The following NPHP1 variants were observed in gnomAD, a reference collection of about 807,000 sequenced individuals.
The protein encoded by NPHP1 is nephrocystin-1.
Under a neutral mutation model 90.4 loss-of-function variants are expected in NPHP1, and 70 were observed. That is an observed-to-expected ratio of 0.77 (90% confidence interval 0.64 to 0.95). The LOEUF (loss-of-function observed/expected upper bound fraction) is 0.95. Ranked by LOEUF, NPHP1 falls within the 40% of genes least tolerant of loss-of-function variation. The probability of loss-of-function intolerance (pLI) is 0.00; values close to 1 mark genes in which losing one functional copy is unlikely to be tolerated. For synonymous variants in NPHP1, 256 were observed against 271.7 expected (o/e 0.94, Z 0.57); for missense variants, 764 against 795.9 (o/e 0.96, Z 0.48).
intron 1 of NPHP1, among the ~76,000 whole-genome samples, chr2:110,203,572 A>G (rs1019917246): frequency 2.6e-5 from 4 of 152,138 alleles, no homozygotes; most frequent in Non-Finnish European, 5.9e-5. Context: ...CTAAATATTT[A>G]CCTTCCAAAT....
chr2:110,182,945 G>A (rs1334792651), intron 2 of NPHP1, among the ~76,000 whole-genome samples: 2 of 151,932 alleles, frequency 1.3e-5, no homozygotes, highest in Non-Finnish European at 2.9e-5. Flanking sequence ...AAGGGATGGA[G>A]GAAAATTTAC....
chr2:110,132,756 TA>T (rs1263658937), intron 16 of NPHP1, among the ~76,000 whole-genome samples: 2 of 152,168 alleles, frequency 1.3e-5, no homozygotes, highest in Non-Finnish European at 1.5e-5. Context: ...ACATCGAAGT[TA>T]AATTGGTATC....
At chr2:110,154,344 T>C (rs571744747) in intron 11 of NPHP1, among the ~76,000 whole-genome samples, 1 of 152,292 alleles carries the variant, frequency 6.6e-6, no homozygotes, top group Admixed American at 6.5e-5. Flanking sequence ...CTCAGGTATG[T>C]CTTTATCAGC....
chr2:110,183,737 G>A (rs1684078079), intron 2 of NPHP1, among the ~76,000 whole-genome samples: 1 of 151,998 alleles, frequency 6.6e-6, no homozygotes, highest in Non-Finnish European at 1.5e-5. Flanking sequence ...ACAATATTAG[G>A]CAGGTCATCC....
In NPHP1 at chr2:110,159,065, G is replaced by T. The variant is rs1462605681; in HGVS notation, c.1083+1062C>A. On this transcript the variant is annotated intron_variant, in intron 11 of 19. Transcript: ENST00000445609. The stretch of plus-strand genomic sequence containing the variant: ...GATTTTTCTTATGGCAAATTATAAT[G>T]ATTGATTTTCAAATGTTAAATGTGA... Among the ~76,000 whole-genome samples, 5 of 152,044 alleles carry T rather than the reference G, an allele frequency of 3.3e-5. No homozygotes were observed. The East Asian group carries it at 9.6e-4, about 29-fold the overall frequency.
intron 6 of NPHP1, among the ~76,000 whole-genome samples, 193 bp downstream of exon 6, chr2:110,168,259 G>GT (rs1380641984): frequency 1.3e-5 from 2 of 152,168 alleles, no homozygotes; most frequent in South Asian, 2.1e-4. Flanking sequence ...GCTCACATGC[G>GT]TAAGAGCACT....
At chr2:110,200,425 T>G (rs1167432976) in intron 2 of NPHP1, among the ~76,000 whole-genome samples, 3 of 151,106 alleles carry the variant, frequency 2.0e-5, no homozygotes, top group Non-Finnish European at 2.9e-5. Context: ...CAGCCAGGTG[T>G]GGTGGGGCAC....
At chr2:110,154,406 T>C (rs1372867464) in intron 11 of NPHP1, among the ~76,000 whole-genome samples, 1 of 152,128 alleles carries the variant, frequency 6.6e-6, no homozygotes, top group African/African-American at 2.4e-5. Context: ...AGGGTGTTGC[T>C]GAAAAGATAT....
chr2:110,172,220 C>T (rs1345688813), intron 4 of NPHP1, among the ~76,000 whole-genome samples: 3 of 152,018 alleles, frequency 2.0e-5, no homozygotes, highest in East Asian at 1.9e-4. Flanking sequence ...CTTTTTAATG[C>T]TTGTGGAATC....
intron 12 of NPHP1, among the ~76,000 whole-genome samples, chr2:110,149,407 T>C (rs1681300783): frequency 6.6e-6 from 1 of 152,114 alleles, no homozygotes; most frequent in African/African-American, 2.4e-5. Context: ...AGAGAGGCCA[T>C]GCTTCTCACC....
chr2:110,197,334 A>C (rs1685240426), intron 2 of NPHP1, among the ~76,000 whole-genome samples: 2 of 152,212 alleles, frequency 1.3e-5, no homozygotes, highest in South Asian at 4.1e-4. Context: ...TTTAAAGGGA[A>C]CAAAAGTCCT....
chr2:110,183,031 A>T (rs2202875), intron 2 of NPHP1, among the ~76,000 whole-genome samples: 45,121 of 151,834 alleles, frequency 0.3, 7,333 homozygotes, highest in East Asian at 0.54. Flanking sequence ...GCCAATAAAG[A>T]TAAAAAAAAG....
chr2:110,157,939 C>T (rs926632590), intron 11 of NPHP1, among the ~76,000 whole-genome samples: 1 of 152,146 alleles, frequency 6.6e-6, no homozygotes, highest in African/African-American at 2.4e-5. Flanking sequence ...GCATCTAGTG[C>T]TATAAATGTC....
chr2:110,199,891 A>C (rs930062845), intron 2 of NPHP1, among the ~76,000 whole-genome samples: 1 of 152,220 alleles, frequency 6.6e-6, no homozygotes, highest in African/African-American at 2.4e-5. Flanking sequence ...GCAAATGTCA[A>C]AGTGAGTTTT....
At chr2:110,150,091 T>G (rs1681351041) in intron 12 of NPHP1, 91 bp downstream of exon 12, 7 of 1,013,114 alleles carry the variant, frequency 6.9e-6, no homozygotes, top group Non-Finnish European at 1.1e-5. Context: ...AAGATTTATA[T>G]CTGTTCCCAC....
intron 19 of NPHP1, chr2:110,125,269 G>A: frequency 6.5e-7 from 1 of 1,536,000 alleles, no homozygotes; most frequent in Admixed American, 2.0e-5. Context: ...TTCAATATAT[G>A]GTACAGCTCA....
At chr2:110,130,875 C>T (rs370906097) in intron 17 of NPHP1, among the ~76,000 whole-genome samples, 7 of 152,114 alleles carry the variant, frequency 4.6e-5, no homozygotes, top group Non-Finnish European at 1.0e-4. Context: ...TGCATGTTCT[C>T]GTTGTGTATT....
At chr2:110,163,807 T>C (rs536059633) in intron 8 of NPHP1, 1 of 154,736 alleles carries the variant, frequency 6.5e-6, no homozygotes, top group Admixed American at 6.4e-5. Flanking sequence ...ACTACAGACA[T>C]GCGCTACCAC....
At chr2:110,190,183 G>A (rs976935362) in intron 2 of NPHP1, among the ~76,000 whole-genome samples, 11 of 152,300 alleles carry the variant, frequency 7.2e-5, no homozygotes, top group Non-Finnish European at 1.2e-4. Context: ...AGCAGATCCC[G>A]CACCAGGGCT....
Sources: allele counts gnomAD v4.1 joint callset (sites outside exome capture counted in the v4.1 genomes callset), GRCh38; gene constraint gnomAD v4.1.1; transcripts MANE v1.5; gene names NCBI Gene and HGNC (gene_info 2026-07-23, HGNC 2026-07-21).